Variants in UBE2T observed in about 807,000 individuals in gnomAD.
The protein encoded by UBE2T is ubiquitin-conjugating enzyme E2 T.
A neutral mutation model predicts 23.3 loss-of-function variants in UBE2T; 15 were observed. The ratio of observed to expected loss-of-function variants is 0.64; its 90% CI spans 0.43 to 0.99. The LOEUF (loss-of-function observed/expected upper bound fraction) is 0.99, where lower values mean the gene tolerates loss of function less well. UBE2T is among the 50% of genes least tolerant of loss of function. UBE2T has a pLI of 0.00. For missense variants in UBE2T, 197 were observed against 234.9 expected (o/e 0.84, Z 1.05); for synonymous variants, 67 against 78.4 (o/e 0.85, Z 0.77).
At chr1:202,332,856 C>T (rs1476929429) in intron 6 of UBE2T, among the ~76,000 whole-genome samples, 154 bp downstream of exon 6, 1 of 114,170 alleles carries the variant, frequency 8.8e-6, no homozygotes, top group African/African-American at 3.3e-5. Context: ...TGCAGTGAGC[C>T]GAGATCCCGC....
intron 6 of UBE2T, among the ~76,000 whole-genome samples, chr1:202,332,704 C>T (rs1190278616): frequency 6.6e-6 from 1 of 151,024 alleles, no homozygotes; most frequent in Non-Finnish European, 1.5e-5. Context: ...GTCAGGAGAT[C>T]GAGACCATCC....
At chr1:202,334,647 TAGG>T (rs1484662861) in intron 3 of UBE2T, among the ~76,000 whole-genome samples, 1 of 152,146 alleles carries the variant, frequency 6.6e-6, no homozygotes, top group Admixed American at 6.5e-5. Flanking sequence ...AGTTTCAGTG[TAGG>T]AGGATGAAAA....
Position 202,331,747 on chromosome 1 carries a change from C to A in UBE2T, c.*88G>T. 6.6e-7 allele frequency: 1 copy of A among 1,508,586 alleles called. No homozygotes were observed. 93.5% of individuals were successfully genotyped at this position (1,508,586 alleles called of 1,614,324 possible). A position where few individuals can be genotyped will look rare whatever the true frequency, so the allele number is the denominator to read the frequency against. On this transcript the variant is annotated 3_prime_UTR_variant, in exon 7 of 7. Transcript: ENST00000646651. ...ATAAACTACACAAAAATTATGTCAT[C>A]AAATATATTTAAAAAAAAATTCAAG...
chr1:202,341,731 C>A (rs559788825), intron 1 of UBE2T, among the ~76,000 whole-genome samples, 164 bp downstream of exon 1: 1 of 152,058 alleles, frequency 6.6e-6, no homozygotes, highest in African/African-American at 2.4e-5. Flanking sequence ...TGCAAAGATA[C>A]GGTGAGACCC....
intron 6 of UBE2T, among the ~76,000 whole-genome samples, 168 bp from the exon 7 acceptor site, chr1:202,332,128 A>C (rs1297778348): frequency 6.6e-6 from 1 of 152,052 alleles, no homozygotes; most frequent in Non-Finnish European, 1.5e-5. Context: ...TTTTTGTTTT[A>C]ATTTTTATTT....
At chr1:202,340,233 G>T (rs1654972243) in intron 1 of UBE2T, among the ~76,000 whole-genome samples, 1 of 148,392 alleles carries the variant, frequency 6.7e-6, no homozygotes, top group African/African-American at 2.5e-5. Flanking sequence ...AACAAAACTG[G>T]CCAGGCATGG....
intron 1 of UBE2T, among the ~76,000 whole-genome samples, chr1:202,341,577 CAAAAAA>C (rs57598991): frequency 4.9e-5 from 1 of 20,302 alleles, no homozygotes; most frequent in Non-Finnish European, 7.7e-5. Flanking sequence ...GACTCCGTCT[CAAAAAA>C]AAAAAAAAAA....
At chr1:202,333,195 C>G (rs1015936379) in intron 5 of UBE2T, 42 bp downstream of exon 5, 1 of 1,611,502 alleles carries the variant, frequency 6.2e-7, no homozygotes, top group African/African-American at 1.3e-5. Context: ...GCGGTATAGA[C>G]AAGGTAGGAT....
intron 1 of UBE2T, among the ~76,000 whole-genome samples, chr1:202,339,033 AAGG>A (rs1169853912): frequency 1.3e-5 from 2 of 151,116 alleles, no homozygotes; most frequent in African/African-American, 2.4e-5. Context: ...ATTAGCTATC[AAGG>A]TTATGCTAGC....
intron 1 of UBE2T, among the ~76,000 whole-genome samples, chr1:202,336,547 G>A (rs2148341167): frequency 6.6e-6 from 1 of 152,248 alleles, no homozygotes; most frequent in African/African-American, 2.4e-5. Flanking sequence ...TTTAAATAAT[G>A]GGTGTTTCCA....
Position 202,333,452 on chromosome 1 carries a change from T to C in UBE2T, c.283A>G (p.Lys95Glu). ...TCAACCATTTACCCACAACTCACTT[T>C]TGGTGGCAATTTGAGAACATCCAGA... ...ICLDVLKLPP[K>E]GAWRPSLNIA... The change falls in exon 4 of 7, where the codon AAA becomes GAA. Residue 95 changes from lysine to glutamate, a missense_variant and splice_region_variant. By Grantham distance (56) the Lys-to-Glu change is moderately conservative (BLOSUM62 1). Coordinates refer to ENST00000646651, the MANE Select transcript of UBE2T (RefSeq NM_014176.4). 1 of 1,614,114 alleles carries C rather than the reference T, an allele frequency of 6.2e-7. No homozygotes were observed.
Position 202,335,830 on chromosome 1 carries a change from A to G in UBE2T, c.-64-12T>C, listed in dbSNP as rs1654870559. ...CTGCCTGGGATGCACTGGAGGAGAA[A>G]AGAGGTGACCATAAAATCATCAGCA... On this transcript the variant is annotated splice_polypyrimidine_tract_variant and intron_variant, in intron 1 of 6. Transcript: ENST00000646651. The surrounding 1 kb of genome is among the most constrained non-coding windows in gnomAD (Gnocchi z 4.0). The G allele has an allele frequency of 3.8e-6, 5 of 1,318,020 alleles. No individual in the cohort carries two copies. Among genetic ancestry groups the G allele is most frequent in the Non-Finnish European group, 5.4e-6 (5 of 922,404 alleles). 81.6% of individuals were successfully genotyped at this position (1,318,020 alleles called of 1,614,324 possible). A position where few individuals can be genotyped will look rare whatever the true frequency, so the allele number is the denominator to read the frequency against.
At chr1:202,333,187 G>A (rs193211628) in intron 5 of UBE2T, 50 bp downstream of exon 5, 238 of 1,607,334 alleles carry the variant, frequency 1.5e-4, no homozygotes, top group Admixed American at 5.7e-4. Flanking sequence ...GAGAGTTAGC[G>A]GTATAGACAA....
Position 202,335,300 on chromosome 1 carries a change from A to G in UBE2T, c.110-242T>C. 3.6e-6 allele frequency: 2 copies of G among 555,622 alleles called. No homozygotes were observed. The highest frequency in any genetic ancestry group is 6.4e-6 in the Non-Finnish European group (2 of 312,796). 34.4% of individuals were successfully genotyped at this position (555,622 alleles called of 1,614,324 possible). ...CAGAAGTTGCAAAATGCTGGCCACA[A>G]GACCAAATACAACCTATAGATTTGT... On this transcript the variant is annotated intron_variant, in intron 2 of 6. Coordinates refer to ENST00000646651, the MANE Select transcript of UBE2T (RefSeq NM_014176.4). The surrounding 1 kb of genome is among the most constrained non-coding windows in gnomAD (Gnocchi z 4.0).
Position 202,335,818 on chromosome 1 carries a change from A to G in UBE2T, c.-64T>C, listed in dbSNP as rs1654870231. The G allele has an allele frequency of 6.2e-6, 9 of 1,453,804 alleles. No individual in the cohort carries two copies. The highest frequency in any genetic ancestry group is 8.7e-6 in the Non-Finnish European group (9 of 1,040,176). The allele number at this position is 1,453,804 out of a possible 1,614,324, so 90.1% of individuals were successfully genotyped here. A position where few individuals can be genotyped will look rare whatever the true frequency, so the allele number is the denominator to read the frequency against. ...CCACACTAAGAGCTGCCTGGGATGC[A>G]CTGGAGGAGAAAAGAGGTGACCATA... On this transcript the variant is annotated splice_region_variant and 5_prime_UTR_variant, in exon 2 of 7. Transcript: ENST00000646651. The surrounding 1 kb of genome is among the most constrained non-coding windows in gnomAD (Gnocchi z 4.0).
intron 1 of UBE2T, among the ~76,000 whole-genome samples, chr1:202,338,698 C>A (rs910398290): frequency 6.6e-6 from 1 of 151,890 alleles, no homozygotes; most frequent in Non-Finnish European, 1.5e-5. Context: ...ACTTCTAGTA[C>A]AATGTTAAAT....
Position 202,335,217 on chromosome 1 carries a change from T to C in UBE2T, c.110-159A>G. The C allele has an allele frequency of 1.6e-6, 1 of 617,070 alleles. No individual in the cohort carries two copies. The highest frequency in any genetic ancestry group is 3.0e-5 in the Admixed American group (1 of 33,712). The allele number at this position is 617,070 out of a possible 1,614,324, so 38.2% of individuals were successfully genotyped here. ...CAAGTCCTCATGCAACACACCACAA[T>C]GCTAATGTACTCAAAAAGTTAATGG... On this transcript the variant is annotated intron_variant, in intron 2 of 6. Coordinates refer to ENST00000646651, the MANE Select transcript of UBE2T (RefSeq NM_014176.4). The surrounding 1 kb of genome is among the most constrained non-coding windows in gnomAD (Gnocchi z 4.0).
At chr1:202,333,821 A>G (rs537783830) in intron 3 of UBE2T, among the ~76,000 whole-genome samples, 2 of 152,322 alleles carry the variant, frequency 1.3e-5, no homozygotes, top group East Asian at 3.9e-4. Flanking sequence ...TCTTCTAAGA[A>G]TAAGAACATT....
intron 6 of UBE2T, among the ~76,000 whole-genome samples, chr1:202,332,234 T>C (rs1260824001): frequency 2.0e-5 from 3 of 152,228 alleles, no homozygotes; most frequent in Non-Finnish European, 4.4e-5. Flanking sequence ...TTCCTGTAAT[T>C]TGAATTTTGC....
Sources: gnomAD v4.1 joint callset for allele counts (sites outside exome capture counted in the v4.1 genomes callset) on GRCh38, gnomAD v4.1.1 for gene constraint, Gnocchi (gnomAD v3.1) non-coding constraint, MANE v1.5 for transcripts, NCBI Gene and HGNC (gene_info 2026-07-23, HGNC 2026-07-21) for gene names.